The following CHN1 variants were observed in gnomAD, a reference collection of about 807,000 sequenced individuals.
CHN1 encodes the protein N-chimaerin.
Under a neutral mutation model 59.5 loss-of-function variants are expected in CHN1, and 37 were observed. The ratio of observed to expected loss-of-function variants is 0.62; its 90% CI spans 0.48 to 0.82. The LOEUF (loss-of-function observed/expected upper bound fraction) is 0.82. CHN1 is among the 40% of genes least tolerant of loss of function. CHN1 has a pLI of 0.00. For missense variants in CHN1, 469 were observed against 571.0 expected (o/e 0.82, Z 1.82); for synonymous variants, 206 against 200.4 (o/e 1.03, Z -0.24).
At chr2:174,998,339 A>G (rs540793047) in intron 1 of CHN1, among the ~76,000 whole-genome samples, 26 of 151,688 alleles carry the variant, frequency 1.7e-4, no homozygotes, top group Non-Finnish European at 1.0e-4. Context: ...AGATTAAAAA[A>G]AAAAACATAC....
In CHN1 at chr2:174,852,424, T is replaced by C. The variant is rs1686764013; in HGVS notation, c.550-5467A>G. ...AACTACAAAACATTGCTGAAAGAAA[T>C]CAAAGATGACACAAATAAATGGAAA... On this transcript the variant is annotated intron_variant, in intron 6 of 12. Transcript: ENST00000409900. Among the ~76,000 whole-genome samples, 6 of 152,094 alleles carry C rather than the reference T, an allele frequency of 3.9e-5. No individual in the cohort carries two copies. In the South Asian group the frequency reaches 1.0e-3, roughly 26 times the overall value.
chr2:174,906,148 A>T (rs1275529052), intron 5 of CHN1, among the ~76,000 whole-genome samples: 1 of 152,222 alleles, frequency 6.6e-6, no homozygotes, highest in African/African-American at 2.4e-5. Flanking sequence ...ATATGTTTAT[A>T]CAAAAACTTG....
chr2:174,891,720 G>GA (rs1164526277), intron 5 of CHN1, among the ~76,000 whole-genome samples: 1 of 151,728 alleles, frequency 6.6e-6, no homozygotes, highest in Non-Finnish European at 1.5e-5. Flanking sequence ...GGAACTAGGG[G>GA]AAAAAAAGGA....
At position 174,830,182 on chromosome 2, in the gene CHN1, G is replaced by A. The variant is rs548504224; in HGVS notation, c.628-5664C>T. Among the ~76,000 whole-genome samples the A allele has an allele frequency of 4.6e-5, 7 of 151,958 alleles. 1 individual carries two copies. The highest frequency in any genetic ancestry group is 3.9e-4 in the East Asian group (2 of 5,166). Reference sequence around the variant, plus strand: ...CAGGAGGCGGAGCTTGCAGTGAGCCGAGATCGTGCCACTGCACTCCAGCCT... The same window carrying A: ...CAGGAGGCGGAGCTTGCAGTGAGCCAAGATCGTGCCACTGCACTCCAGCCT... On this transcript the variant is annotated intron_variant, in intron 7 of 12. Coordinates refer to ENST00000409900, the MANE Select transcript of CHN1 (RefSeq NM_001822.7).
At chr2:174,997,481 C>G (rs913136363) in intron 1 of CHN1, among the ~76,000 whole-genome samples, 5 of 152,194 alleles carry the variant, frequency 3.3e-5, no homozygotes, top group African/African-American at 1.2e-4. Flanking sequence ...ATGTACTTAT[C>G]TATGCTCAGC....
chr2:174,908,354 C>T (rs1688598732), intron 5 of CHN1, among the ~76,000 whole-genome samples: 1 of 152,196 alleles, frequency 6.6e-6, no homozygotes, highest in South Asian at 2.1e-4. Context: ...ACCACCCTTT[C>T]CACTCAGCAT....
chr2:174,936,030 A>T (rs967171523), intron 3 of CHN1, among the ~76,000 whole-genome samples: 2 of 152,232 alleles, frequency 1.3e-5, no homozygotes, highest in African/African-American at 4.8e-5. Flanking sequence ...ATTTGAAAAC[A>T]GTGTAAATTG....
At chr2:174,885,600 T>A (rs998400843) in intron 5 of CHN1, among the ~76,000 whole-genome samples, 7 of 152,076 alleles carry the variant, frequency 4.6e-5, no homozygotes, top group Non-Finnish European at 8.8e-5. Flanking sequence ...ATTCAAGTAA[T>A]CCCGAGTAGC....
At chr2:174,906,275 A>G (rs1028152075) in intron 5 of CHN1, among the ~76,000 whole-genome samples, 1 of 152,242 alleles carries the variant, frequency 6.6e-6, no homozygotes, top group Non-Finnish European at 1.5e-5. Context: ...ATTATTCATT[A>G]GTAAAAAGGA....
intron 3 of CHN1, among the ~76,000 whole-genome samples, chr2:174,926,763 T>A (rs1193205614): frequency 7.1e-6 from 1 of 141,638 alleles, no homozygotes; most frequent in African/African-American, 2.6e-5. Context: ...ACCCACACCA[T>A]TTTTTTTTTT....
At chr2:174,847,039 T>C (rs747720875) in intron 6 of CHN1, 82 bp from the exon 7 acceptor site, 253 of 1,551,538 alleles carry the variant, frequency 1.6e-4, no homozygotes, top group Non-Finnish European at 2.2e-4. Flanking sequence ...CCAAGGCTGC[T>C]ATCAATAAAT....
chr2:174,892,647 G>A (rs756671738), intron 5 of CHN1, among the ~76,000 whole-genome samples: 1 of 152,182 alleles, frequency 6.6e-6, no homozygotes, highest in Non-Finnish European at 1.5e-5. Context: ...ACCAAAGCCA[G>A]ACAAAGATTA....
At chr2:174,815,459 C>A (rs945570025) in intron 8 of CHN1, among the ~76,000 whole-genome samples, 2 of 152,166 alleles carry the variant, frequency 1.3e-5, no homozygotes, top group African/African-American at 4.8e-5. Flanking sequence ...ACTTCAAGTT[C>A]ATCTTCACTC....
At chr2:174,942,912 A>G (rs2105401872) in intron 3 of CHN1, among the ~76,000 whole-genome samples, 1 of 152,024 alleles carries the variant, frequency 6.6e-6, no homozygotes, top group East Asian at 2.0e-4. Context: ...TTAGCCAGAC[A>G]TGGTGGCACA....
At chr2:174,950,490 G>A (rs1374585838) in intron 2 of CHN1, among the ~76,000 whole-genome samples, 2 of 151,826 alleles carry the variant, frequency 1.3e-5, no homozygotes, top group African/African-American at 4.8e-5. Flanking sequence ...ACAAATTCCT[G>A]ACCTCAGGTG....
rs576237401 is a variant in CHN1, at chr2:174,840,348, T to C, written c.627+6532A>G. ...CCCAGCTAATGTTTTAAATTTTTTG[T>C]AAAGACAAGGTCTCTCTATGTTGCC... On this transcript the variant is annotated intron_variant, in intron 7 of 12. Coordinates refer to ENST00000409900, the MANE Select transcript of CHN1 (RefSeq NM_001822.7). Among the ~76,000 whole-genome samples the C allele has an allele frequency of 1.5e-3, 234 of 151,948 alleles. 1 individual carries two copies. The highest frequency in any genetic ancestry group is 5.8e-4 in the East Asian group (3 of 5,170).
At chr2:174,935,082 A>T (rs1689457377) in intron 3 of CHN1, among the ~76,000 whole-genome samples, 1 of 151,928 alleles carries the variant, frequency 6.6e-6, no homozygotes, top group South Asian at 2.1e-4. Flanking sequence ...AGGACATAGA[A>T]CCCTTTATTA....
At chr2:174,816,985 T>C (rs1685291097) in intron 8 of CHN1, among the ~76,000 whole-genome samples, 1 of 152,058 alleles carries the variant, frequency 6.6e-6, no homozygotes, top group Non-Finnish European at 1.5e-5. Context: ...AGAGGCTAAA[T>C]GACTTGTTCA....
At chr2:174,986,695 GA>G (rs1327958407) in intron 1 of CHN1, among the ~76,000 whole-genome samples, 2 of 152,106 alleles carry the variant, frequency 1.3e-5, no homozygotes, top group African/African-American at 2.4e-5. Context: ...CATTTACAAC[GA>G]TCCACATATT....
Sources: gnomAD v4.1 joint callset for allele counts (sites outside exome capture counted in the v4.1 genomes callset) on GRCh38, gnomAD v4.1.1 for gene constraint, MANE v1.5 for transcripts, NCBI Gene and HGNC (gene_info 2026-07-23, HGNC 2026-07-21) for gene names.